The following CCDC186 variants were observed in gnomAD, a reference collection of about 807,000 sequenced individuals.
CCDC186 encodes coiled-coil domain-containing protein 186.
Under a neutral mutation model 113.7 loss-of-function variants are expected in CCDC186, and 49 were observed. The observed-to-expected ratio is 0.43, with a 90% CI of 0.34 to 0.55. CCDC186 has a LOEUF of 0.55. Ranked by LOEUF, CCDC186 falls within the 20% of genes least tolerant of loss-of-function variation. The probability of loss-of-function intolerance (pLI) is 0.02; values close to 1 mark genes in which losing one functional copy is unlikely to be tolerated. For synonymous variants in CCDC186, 355 were observed against 345.8 expected, an observed-to-expected ratio of 1.03 and a Z score of -0.30; for missense variants, 890 against 1,011.1, an observed-to-expected ratio of 0.88 and a Z score of 1.62.
At position 114,127,532 on chromosome 10, in the gene CCDC186, C is replaced by T. The variant is rs1239430218; in HGVS notation, c.2322G>A (p.Arg774=). Residue 774 remains arginine (R), a synonymous_variant, in exon 14 of 16, where the codon CGG becomes CGA. Coordinates refer to ENST00000369287, the MANE Select transcript of CCDC186 (RefSeq NM_018017.4). ...RIVRLQKAHA[R]KNEKIEFMED... ...CCATAAATTCTATCTTTTCATTTTTCCGGGCATGTGCTTTTTGCAGCCTAA... is the reference window on the plus strand; with the variant it reads ...CCATAAATTCTATCTTTTCATTTTTTCGGGCATGTGCTTTTTGCAGCCTAA... The T allele has an allele frequency of 1.2e-6, 2 of 1,614,006 alleles. No homozygotes were observed. The highest frequency in any genetic ancestry group is 1.7e-5 in the Admixed American group (1 of 59,998).
At position 114,134,982 on chromosome 10, in the gene CCDC186, T is replaced by C; in HGVS notation, c.1586A>G (p.Gln529Arg). ...LSKYKEIINRQKAEIQNLLDK... is the reference protein window; with the variant it reads ...LSKYKEIINRRKAEIQNLLDK... Reference sequence around the variant, plus strand: ...CAATAAATTCTGAATTTCAGCTTTTTGGCGATTAATAATTTCCTTATATTT... The same window carrying C: ...CAATAAATTCTGAATTTCAGCTTTTCGGCGATTAATAATTTCCTTATATTT... The change falls in exon 10 of 16, where the codon CAA becomes CGA. Residue 529 changes from glutamine (Q) to arginine (R), a missense_variant. Coordinates refer to ENST00000369287, the MANE Select transcript of CCDC186 (RefSeq NM_018017.4). The C allele has an allele frequency of 6.2e-7, 1 of 1,612,684 alleles. No homozygotes were observed. Among genetic ancestry groups the C allele is most frequent in the Non-Finnish European group, 8.5e-7 (1 of 1,179,580 alleles).
chr10:114,125,851 T>C (rs773969339), intron 15 of CCDC186, 35 bp downstream of exon 15: 9 of 1,573,234 alleles, frequency 5.7e-6, no homozygotes, highest in Non-Finnish European at 7.9e-6. Context: ...TTTGCCATGT[T>C]TACTGGTTGG....
intron 1 of CCDC186, among the ~76,000 whole-genome samples, chr10:114,166,652 G>A (rs777772687): frequency 1.3e-5 from 2 of 152,114 alleles, no homozygotes; most frequent in Non-Finnish European, 2.9e-5. Flanking sequence ...ACATTTACAC[G>A]CATTTTTGCA....
At chr10:114,158,447 G>A (rs1299122833) in intron 2 of CCDC186, among the ~76,000 whole-genome samples, 2 of 152,096 alleles carry the variant, frequency 1.3e-5, no homozygotes, top group South Asian at 4.2e-4. Context: ...AACATTTATT[G>A]CACACTTGCT....
At chr10:114,165,844 T>A (rs1278051815) in intron 1 of CCDC186, 1 of 255,126 alleles carries the variant, frequency 3.9e-6, no homozygotes, top group Admixed American at 2.4e-4. Context: ...CGAGACACTT[T>A]GTCTCAAAAA....
chr10:114,137,905 G>A (rs573503390), intron 6 of CCDC186, among the ~76,000 whole-genome samples: 19 of 151,866 alleles, frequency 1.3e-4, no homozygotes, highest in Non-Finnish European at 2.6e-4. Flanking sequence ...GTGTGGTGGC[G>A]CATGCCTGTA....
At chr10:114,155,673 C>G (rs2031990321) in intron 3 of CCDC186, among the ~76,000 whole-genome samples, 3 of 151,838 alleles carry the variant, frequency 2.0e-5, no homozygotes, top group Admixed American at 2.0e-4. Flanking sequence ...GAAACCCCAT[C>G]TCAAAGATAA....
At chr10:114,166,894 A>C (rs555572125) in intron 1 of CCDC186, among the ~76,000 whole-genome samples, 6 of 152,216 alleles carry the variant, frequency 3.9e-5, no homozygotes, top group Non-Finnish European at 8.8e-5. Flanking sequence ...CTGTAAATTA[A>C]GGAAGACTCA....
intron 3 of CCDC186, among the ~76,000 whole-genome samples, chr10:114,155,431 T>A (rs2031981896): frequency 6.6e-6 from 1 of 152,152 alleles, no homozygotes; most frequent in Non-Finnish European, 1.5e-5. Flanking sequence ...TCCCAGCACT[T>A]TGAGAGGCCA....
At chr10:114,155,062 C>T (rs1223139853) in intron 3 of CCDC186, among the ~76,000 whole-genome samples, 4 of 152,090 alleles carry the variant, frequency 2.6e-5, no homozygotes, top group Non-Finnish European at 5.9e-5. Flanking sequence ...ATTACTTGTT[C>T]CCTAGGGCAG....
chr10:114,171,550 C>CA (rs1158707048), intron 1 of CCDC186, among the ~76,000 whole-genome samples: 1 of 151,654 alleles, frequency 6.6e-6, no homozygotes, highest in Non-Finnish European at 1.5e-5. Flanking sequence ...GATCTTGTCT[C>CA]AAAAAACTAA....
intron 1 of CCDC186, among the ~76,000 whole-genome samples, chr10:114,169,938 T>C (rs2032446230): frequency 6.6e-6 from 1 of 152,066 alleles, no homozygotes; most frequent in African/African-American, 2.4e-5. Flanking sequence ...CATTCTGTCA[T>C]TCAGGCTGGA....
rs1194882128 is a variant in CCDC186, at chr10:114,130,990, C to A, written c.2101+157G>T. 6 of 505,646 alleles carry A rather than the reference C, an allele frequency of 1.2e-5. No homozygotes were observed. The Admixed American group carries it at 2.2e-4, about 18-fold the overall frequency. The allele number at this position is 505,646 out of a possible 1,614,324, so 31.3% of individuals were successfully genotyped here. A position where few individuals can be genotyped will look rare whatever the true frequency, so the allele number is the denominator to read the frequency against. On this transcript the variant is annotated intron_variant, in intron 12 of 15. Transcript: ENST00000369287. ...CAAGATATCCTTTAGGATAAAAGATCGGTCATGAAATTCCAAGAAGTTTAA... is the reference window on the plus strand; with the variant it reads ...CAAGATATCCTTTAGGATAAAAGATAGGTCATGAAATTCCAAGAAGTTTAA...
At chr10:114,130,377 A>G (rs530167471) in intron 12 of CCDC186, 1 of 157,792 alleles carries the variant, frequency 6.3e-6, no homozygotes, top group Non-Finnish European at 1.4e-5. Flanking sequence ...GCTTATTACT[A>G]TATTTCACCC....
chr10:114,149,786 CAGGA>C (rs879496767), intron 4 of CCDC186, among the ~76,000 whole-genome samples: 179 of 48,076 alleles, frequency 3.7e-3, no homozygotes, highest in African/African-American at 0.015. Flanking sequence ...GGCAGGAAGG[CAGGA>C]AGGAAGGAAG....
rs750236175 is a variant in CCDC186, at chr10:114,120,893, A to G, written c.*4250T>C. 6.6e-6 allele frequency: 1 copy of G among 152,218 alleles called. No homozygotes were observed. Among genetic ancestry groups the G allele is most frequent in the African/African-American group, 2.4e-5 (1 of 41,450 alleles). The allele number at this position is 152,218 out of a possible 1,614,324, so 9.4% of individuals were successfully genotyped here. On this transcript the variant is annotated 3_prime_UTR_variant, in exon 16 of 16. Coordinates refer to ENST00000369287, the MANE Select transcript of CCDC186 (RefSeq NM_018017.4). ...AATAGGCATTACCTATTTAATAAGT[A>G]CAATATATACATAGAATCCTCTTGA... is the stretch of plus-strand genomic sequence containing the variant.
chr10:114,144,958 C>T (rs2031589527), intron 5 of CCDC186, among the ~76,000 whole-genome samples: 1 of 151,746 alleles, frequency 6.6e-6, no homozygotes, highest in Non-Finnish European at 1.5e-5. Flanking sequence ...TATTCCTGAA[C>T]TAAAAGCTAA....
intron 10 of CCDC186, among the ~76,000 whole-genome samples, chr10:114,133,162 T>C (rs1369099055): frequency 6.6e-6 from 1 of 152,052 alleles, no homozygotes; most frequent in Non-Finnish European, 1.5e-5. Flanking sequence ...GTTTTCCAGG[T>C]GAGAGCTGCT....
chr10:114,127,046 G>A (rs934466267), intron 14 of CCDC186, among the ~76,000 whole-genome samples: 12 of 152,040 alleles, frequency 7.9e-5, no homozygotes, highest in Admixed American at 5.2e-4. Context: ...ATGAGATACC[G>A]CCAAGCCACA....
Sources: allele counts gnomAD v4.1 joint callset (sites outside exome capture counted in the v4.1 genomes callset), GRCh38; gene constraint gnomAD v4.1.1; transcripts MANE v1.5; gene names NCBI Gene and HGNC (gene_info 2026-07-23, HGNC 2026-07-21).